The following MECOM variants were observed in gnomAD, a reference collection of about 807,000 sequenced individuals.
The protein encoded by MECOM is histone-lysine N-methyltransferase MECOM.
A neutral mutation model predicts 116.3 loss-of-function variants in MECOM; 13 were observed. The observed-to-expected ratio is 0.11, with a 90% CI of 0.07 to 0.18. MECOM has a LOEUF of 0.18. MECOM is among the 10% of genes least tolerant of loss of function. The pLI is 1.00. For missense variants in MECOM, 1,299 were observed against 1,509.0 expected, an observed-to-expected ratio of 0.86 and a Z score of 2.31; for synonymous variants, 528 against 535.2, an observed-to-expected ratio of 0.99 and a Z score of 0.19.
At chr3:169,406,215 G>C (rs745542385) in intron 1 of MECOM, among the ~76,000 whole-genome samples, 1 of 152,140 alleles carries the variant, frequency 6.6e-6, no homozygotes, top group Non-Finnish European at 1.5e-5. Flanking sequence ...AAACCAGAAG[G>C]GTAGATAAAT....
intron 2 of MECOM, among the ~76,000 whole-genome samples, chr3:169,232,449 A>C (rs1368750764): frequency 6.9e-6 from 1 of 143,926 alleles, no homozygotes; most frequent in Admixed American, 7.0e-5. Context: ...GAAAAAAAAA[A>C]GGCAGGGAAG....
intron 1 of MECOM, among the ~76,000 whole-genome samples, chr3:169,543,084 TA>T (rs747921974): frequency 6.6e-5 from 10 of 152,344 alleles, no homozygotes; most frequent in Non-Finnish European, 8.8e-5. Flanking sequence ...AAATGTGCAT[TA>T]TTTTTTTAAT....
At chr3:169,226,673 T>C (rs1158153634) in intron 2 of MECOM, among the ~76,000 whole-genome samples, 1 of 152,204 alleles carries the variant, frequency 6.6e-6, no homozygotes, top group Non-Finnish European at 1.5e-5. Context: ...AATGTAGATG[T>C]ATTCTCTTTG....
chr3:169,421,012 G>A (rs1388897487), intron 1 of MECOM, among the ~76,000 whole-genome samples: 1 of 152,046 alleles, frequency 6.6e-6, no homozygotes, highest in Non-Finnish European at 1.5e-5. Flanking sequence ...TGGCAATGAT[G>A]ACAGTGTACT....
chr3:169,266,916 A>G (rs1758384523), intron 2 of MECOM, among the ~76,000 whole-genome samples: 1 of 152,068 alleles, frequency 6.6e-6, no homozygotes, highest in Non-Finnish European at 1.5e-5. Flanking sequence ...AAAGAAAAAA[A>G]GAGGGAAGAG....
intron 1 of MECOM, among the ~76,000 whole-genome samples, chr3:169,464,970 G>T (rs867221420): frequency 1.3e-5 from 2 of 152,028 alleles, no homozygotes; most frequent in Non-Finnish European, 2.9e-5. Flanking sequence ...TATTTAAAAT[G>T]TTGAAAATGT....
intron 1 of MECOM, among the ~76,000 whole-genome samples, chr3:169,621,350 A>G (rs745828599): frequency 2.0e-5 from 3 of 152,240 alleles, no homozygotes; most frequent in Non-Finnish European, 4.4e-5. Context: ...CTTCAGAACA[A>G]TGCTTGGCAT....
At chr3:169,474,336 T>C (rs1750015958) in intron 1 of MECOM, among the ~76,000 whole-genome samples, 1 of 152,192 alleles carries the variant, frequency 6.6e-6, no homozygotes, top group South Asian at 2.1e-4. Context: ...AAAAAGCCAC[T>C]TACCCAACAC....
chr3:169,577,445 A>G (rs1344376281), intron 1 of MECOM, among the ~76,000 whole-genome samples: 1 of 150,414 alleles, frequency 6.6e-6, no homozygotes, highest in Non-Finnish European at 1.5e-5. Context: ...AATCTACAAG[A>G]CAGCTGGCTA....
chr3:169,487,194 C>G (rs1227525173), intron 1 of MECOM, among the ~76,000 whole-genome samples: 1 of 151,854 alleles, frequency 6.6e-6, no homozygotes, highest in African/African-American at 2.4e-5. Flanking sequence ...GAATATACTT[C>G]AAGAAGAATA....
intron 1 of MECOM, among the ~76,000 whole-genome samples, chr3:169,529,375 C>T (rs1306046494): frequency 6.6e-6 from 1 of 152,168 alleles, no homozygotes. Context: ...AGGGACCTTC[C>T]CCTATTCTTC....
At chr3:169,106,476 T>C (rs895552241) in intron 10 of MECOM, among the ~76,000 whole-genome samples, 16 of 152,034 alleles carry the variant, frequency 1.1e-4, no homozygotes, top group Non-Finnish European at 1.6e-4. Context: ...CCACGAAAAA[T>C]TATAAACATA....
At chr3:169,648,912 G>C (rs978326690) in intron 1 of MECOM, among the ~76,000 whole-genome samples, 1 of 152,172 alleles carries the variant, frequency 6.6e-6, no homozygotes, top group African/African-American at 2.4e-5. Context: ...TCTTGTAAGT[G>C]GCAAGAAGCT....
At chr3:169,386,727 A>T (rs1056421916) in intron 1 of MECOM, among the ~76,000 whole-genome samples, 1 of 152,148 alleles carries the variant, frequency 6.6e-6, no homozygotes. Context: ...ATTGTCATCC[A>T]TTTCAATTTC....
intron 16 of MECOM, among the ~76,000 whole-genome samples, chr3:169,086,736 G>A (rs1180582849): frequency 6.6e-6 from 1 of 152,122 alleles, no homozygotes; most frequent in African/African-American, 2.4e-5. Flanking sequence ...TTGAGGGAGA[G>A]CACATGCAAA....
chr3:169,097,122 T>TC (rs1212255225), intron 12 of MECOM, among the ~76,000 whole-genome samples: 1 of 152,136 alleles, frequency 6.6e-6, no homozygotes, highest in Non-Finnish European at 1.5e-5. Flanking sequence ...GTAAACGTAC[T>TC]CCCACAAAAC....
intron 2 of MECOM, among the ~76,000 whole-genome samples, chr3:169,233,385 C>T (rs547145449): frequency 2.6e-5 from 4 of 152,094 alleles, no homozygotes; most frequent in Admixed American, 2.6e-4. Flanking sequence ...GAGGTATATG[C>T]AGTAAAATGG....
chr3:169,557,484 C>T (rs1450867272), intron 1 of MECOM, among the ~76,000 whole-genome samples: 2 of 152,148 alleles, frequency 1.3e-5, no homozygotes, highest in Non-Finnish European at 2.9e-5. Flanking sequence ...AATTTGAACA[C>T]CAGAGATTTG....
intron 2 of MECOM, among the ~76,000 whole-genome samples, chr3:169,173,925 A>C (rs1290880017): frequency 1.3e-5 from 2 of 152,156 alleles, no homozygotes; most frequent in Non-Finnish European, 2.9e-5. Context: ...AATACTTTGG[A>C]CTTTATAAGT....
Sources: allele counts gnomAD v4.1 joint callset (sites outside exome capture counted in the v4.1 genomes callset), GRCh38; gene constraint gnomAD v4.1.1; transcripts MANE v1.5; gene names NCBI Gene and HGNC (gene_info 2026-07-23, HGNC 2026-07-21).